CPQ: variants seen among roughly 807,000 people sequenced by gnomAD.
CPQ encodes the protein Ser-Met dipeptidase.
Under a neutral mutation model 45.7 loss-of-function variants are expected in CPQ, and 37 were observed. The observed-to-expected ratio is 0.81, with a 90% confidence interval of 0.62 to 1.07. The LOEUF (loss-of-function observed/expected upper bound fraction) is 1.07. Among genes scored for constraint, CPQ ranks in the 50% least tolerant of loss-of-function variants. CPQ has a pLI of 0.00. For missense variants in CPQ, 537 were observed against 572.9 expected, an observed-to-expected ratio of 0.94 and a Z score of 0.64; for synonymous variants, 186 against 205.8, an observed-to-expected ratio of 0.90 and a Z score of 0.82.
chr8:96,731,015 G>A (rs1809907312), intron 1 of CPQ, among the ~76,000 whole-genome samples: 1 of 151,472 alleles, frequency 6.6e-6, no homozygotes, highest in South Asian at 2.1e-4. Context: ...AAACCTGGCT[G>A]AGTAGGCACC....
intron 2 of CPQ, among the ~76,000 whole-genome samples, chr8:96,807,466 C>T (rs912187351): frequency 6.6e-6 from 1 of 152,160 alleles, no homozygotes; most frequent in Non-Finnish European, 1.5e-5. Context: ...ATCTCCTGAC[C>T]TCGTGATCCA....
chr8:97,121,354 G>C (rs1230242380), intron 7 of CPQ, among the ~76,000 whole-genome samples: 1 of 152,178 alleles, frequency 6.6e-6, no homozygotes, highest in African/African-American at 2.4e-5. Context: ...GTTGTTGTTG[G>C]ACAACAGGAA....
At chr8:97,033,458 T>C (rs1378201535) in intron 6 of CPQ, among the ~76,000 whole-genome samples, 1 of 152,220 alleles carries the variant, frequency 6.6e-6, no homozygotes, top group Non-Finnish European at 1.5e-5. Context: ...TGGTCTATAA[T>C]GATAAAAGTC....
chr8:97,066,732 C>T (rs892632806), intron 7 of CPQ, among the ~76,000 whole-genome samples: 1 of 152,028 alleles, frequency 6.6e-6, no homozygotes, highest in East Asian at 1.9e-4. Context: ...TCATGTTTTA[C>T]CTTAATGCAA....
At chr8:96,889,273 A>G (rs996163431) in intron 4 of CPQ, among the ~76,000 whole-genome samples, 1 of 152,230 alleles carries the variant, frequency 6.6e-6, no homozygotes, top group Non-Finnish European at 1.5e-5. Context: ...CAGCCAGAAG[A>G]TAATAGAGTT....
At position 96,742,412 on chromosome 8, in the gene CPQ, G is replaced by T. The variant is rs1313857115; in HGVS notation, c.-34-42452G>T. On this transcript the variant is annotated intron_variant, in intron 1 of 7. Coordinates refer to ENST00000220763, the MANE Select transcript of CPQ (RefSeq NM_016134.4). The stretch of plus-strand genomic sequence containing the variant: ...TTTCCTGAATACAGCACACTGATGG[G>T]TCTTGACTCTTTATCCAATTTGCCA... Among the ~76,000 whole-genome samples, 14 of 152,256 alleles carry T rather than the reference G, an allele frequency of 9.2e-5. No individual in the cohort carries two copies. The South Asian group carries it at 2.7e-3, about 29-fold the overall frequency.
intron 4 of CPQ, among the ~76,000 whole-genome samples, chr8:96,965,372 C>CTTTTTTTTT (rs5893403): frequency 3.7e-5 from 3 of 80,572 alleles, no homozygotes; most frequent in Non-Finnish European, 5.0e-5. Context: ...AATTTCTTTT[C>CTTTTTTTTT]TTTTTTTTTT....
At chr8:96,901,229 C>G (rs770558062) in intron 4 of CPQ, among the ~76,000 whole-genome samples, 39 of 152,184 alleles carry the variant, frequency 2.6e-4, no homozygotes, top group Non-Finnish European at 1.3e-4. Flanking sequence ...TGTGACAACT[C>G]TGACAAGCCA....
At chr8:96,980,295 A>T (rs1813869868) in intron 5 of CPQ, among the ~76,000 whole-genome samples, 2 of 152,132 alleles carry the variant, frequency 1.3e-5, no homozygotes, top group Non-Finnish European at 2.9e-5. Flanking sequence ...ACTATGCCCA[A>T]CTAATTTTTG....
intron 7 of CPQ, among the ~76,000 whole-genome samples, chr8:97,123,587 A>G (rs1434999273): frequency 6.6e-6 from 1 of 152,010 alleles, no homozygotes; most frequent in Non-Finnish European, 1.5e-5. Context: ...ATATGAAATG[A>G]AAGGAAGAAA....
At chr8:96,774,697 AAGTTTGGAAAGGAAGATTCTG>A (rs1296090118) in intron 1 of CPQ, among the ~76,000 whole-genome samples, 1 of 152,190 alleles carries the variant, frequency 6.6e-6, no homozygotes, top group African/African-American at 2.4e-5. Context: ...AAGGGAGAGC[AAGTTTGGAAAGGAAGATTCTG>A]AGTTTGGTGT....
chr8:96,818,189 T>C (rs1811254772), intron 2 of CPQ, among the ~76,000 whole-genome samples: 1 of 151,846 alleles, frequency 6.6e-6, no homozygotes, highest in African/African-American at 2.4e-5. Flanking sequence ...CACCATGTAC[T>C]GCACCCATAT....
At chr8:96,856,612 A>G (rs1811854725) in intron 3 of CPQ, among the ~76,000 whole-genome samples, 1 of 152,162 alleles carries the variant, frequency 6.6e-6, no homozygotes, top group South Asian at 2.1e-4. Flanking sequence ...GTATATAAAT[A>G]TTGATTGAGT....
chr8:97,126,633 T>A (rs1811851698), intron 7 of CPQ, among the ~76,000 whole-genome samples: 1 of 152,098 alleles, frequency 6.6e-6, no homozygotes, highest in East Asian at 1.9e-4. Context: ...AATAATATTT[T>A]AAAAAATAAC....
At chr8:97,130,035 T>C (rs1811919957) in intron 7 of CPQ, among the ~76,000 whole-genome samples, 1 of 152,262 alleles carries the variant, frequency 6.6e-6, no homozygotes, top group Non-Finnish European at 1.5e-5. Flanking sequence ...GTGATCATTC[T>C]GAGTAGTCAT....
chr8:96,996,720 A>G (rs1809184484), intron 5 of CPQ, among the ~76,000 whole-genome samples: 2 of 151,998 alleles, frequency 1.3e-5, no homozygotes, highest in Admixed American at 1.3e-4. Context: ...TTGTGCTTAT[A>G]TATGCAATTT....
intron 4 of CPQ, among the ~76,000 whole-genome samples, chr8:96,949,264 T>G (rs1401818981): frequency 6.6e-6 from 1 of 152,106 alleles, no homozygotes; most frequent in Non-Finnish European, 1.5e-5. Flanking sequence ...TGATTTTTTT[T>G]TTTTGTATTC....
intron 4 of CPQ, among the ~76,000 whole-genome samples, chr8:96,949,282 T>G (rs1440177882): frequency 6.6e-6 from 1 of 151,978 alleles, no homozygotes; most frequent in Non-Finnish European, 1.5e-5. Context: ...TTCATATGCT[T>G]TAATTCTTGT....
rs558772362 is a variant in CPQ at position 97,001,439 on chromosome 8, A to AT, written c.962-27958dup. Among the ~76,000 whole-genome samples, 116 of 152,132 alleles carry AT rather than the reference A, an allele frequency of 7.6e-4. 1 individual carries two copies. Among genetic ancestry groups the AT allele is most frequent in the African/African-American group, 2.6e-3 (110 of 41,530 alleles). On this transcript the variant is annotated intron_variant, in intron 5 of 7. Transcript: ENST00000220763. ...TTCCTTCAATACCTAGTTTATTGAG[A>AT]TTTTTTAACATGAATCGTTGTTGAA...
Sources: allele counts gnomAD v4.1 joint callset (sites outside exome capture counted in the v4.1 genomes callset), GRCh38; gene constraint gnomAD v4.1.1; transcripts MANE v1.5; gene names NCBI Gene and HGNC (gene_info 2026-07-23, HGNC 2026-07-21).